SLC67A1: variants seen among roughly 807,000 people sequenced by gnomAD.
The protein encoded by SLC67A1 is solute carrier family 67 member 1.
the SLC67A1 span, among the ~76,000 whole-genome samples, chr11:2,911,031 C>T: frequency 6.6e-6 from 1 of 152,102 alleles, no homozygotes; most frequent in Non-Finnish European, 1.5e-5. Flanking sequence ...GAGCCAAGGG[C>T]CACTGGATTT....
chr11:2,924,911 G>A, the SLC67A1 span: 10 of 1,107,094 alleles, frequency 9.0e-6, no homozygotes, highest in Middle Eastern at 3.1e-4. This position sits in a 1 kb window ranked among gnomAD's most constrained non-coding sequence, Gnocchi z 8.6. Flanking sequence ...GTGAGGTCAG[G>A]GTGGGTCAGG....
At chr11:2,902,125 C>G in the SLC67A1 span, 1 of 152,200 alleles carries the variant, frequency 6.6e-6, no homozygotes, top group African/African-American at 2.4e-5. Context: ...AGGGGCGGGT[C>G]CTTCGAGGGG....
At chr11:2,920,843 C>T in the SLC67A1 span, 1 of 152,226 alleles carries the variant, frequency 6.6e-6, no homozygotes, top group African/African-American at 2.4e-5. Flanking sequence ...GTGTCTGAGT[C>T]CTGGATCTGA....
the SLC67A1 span, among the ~76,000 whole-genome samples, chr11:2,907,304 TCA>T: frequency 6.6e-6 from 1 of 152,124 alleles, no homozygotes; most frequent in Admixed American, 6.5e-5. This position sits in a 1 kb window ranked among gnomAD's most constrained non-coding sequence, Gnocchi z 6.7. Flanking sequence ...GCCTATTGTC[TCA>T]CAGTTTGGGA....
chr11:2,917,833 T>C, the SLC67A1 span, among the ~76,000 whole-genome samples: 1 of 152,188 alleles, frequency 6.6e-6, no homozygotes, highest in Non-Finnish European at 1.5e-5. Flanking sequence ...CATCACCAGC[T>C]CCCATTCCCA....
the SLC67A1 span, chr11:2,903,704 C>G: frequency 3.5e-5 from 21 of 601,664 alleles, no homozygotes; most frequent in Non-Finnish European, 5.9e-5. Flanking sequence ...TCAGTGCCAG[C>G]CCCGGGAGAA....
At chr11:2,903,260 T>C in the SLC67A1 span, 3 of 1,558,656 alleles carry the variant, frequency 1.9e-6, no homozygotes, top group Non-Finnish European at 2.6e-6. Flanking sequence ...TCAGCACCCC[T>C]GCCCGGATCA....
chr11:2,919,724 T>G, the SLC67A1 span: 1 of 394,512 alleles, frequency 2.5e-6, no homozygotes, highest in East Asian at 5.0e-5. Flanking sequence ...GAGGCCAAAG[T>G]GCCCGCCTTG....
chr11:2,901,118 C>T, the SLC67A1 span, among the ~76,000 whole-genome samples: 3 of 152,328 alleles, frequency 2.0e-5, no homozygotes, highest in East Asian at 5.8e-4. Context: ...GAAAATGGCA[C>T]TGAGAGACAG....
the SLC67A1 span, chr11:2,916,117 A>G: frequency 8.5e-5 from 13 of 152,952 alleles, no homozygotes; most frequent in African/African-American, 3.1e-4. Flanking sequence ...GGAGGGGCCA[A>G]CAGGAGGGGG....
the SLC67A1 span, chr11:2,899,765 CCT>C: frequency 7.0e-7 from 1 of 1,425,552 alleles, no homozygotes; most frequent in East Asian, 2.5e-5. Flanking sequence ...CAACCAGTTC[CCT>C]GGCTACCTGA....
At chr11:2,914,984 G>A in the SLC67A1 span, 24 of 985,420 alleles carry the variant, frequency 2.4e-5, 1 homozygote, top group South Asian at 5.2e-4. Flanking sequence ...GGGCCCATTC[G>A]TGCGGAACCC....
the SLC67A1 span, chr11:2,917,073 C>T: frequency 2.1e-5 from 6 of 291,266 alleles, no homozygotes; most frequent in Non-Finnish European, 3.4e-5. Flanking sequence ...AGGAGGGACC[C>T]CCCCAATGGG....
At chr11:2,920,350 A>G in the SLC67A1 span, 1 of 152,286 alleles carries the variant, frequency 6.6e-6, no homozygotes, top group African/African-American at 2.4e-5. Context: ...TAATAGTAAC[A>G]ATCCGGGGTT....
At chr11:2,905,905 C>T in the SLC67A1 span, among the ~76,000 whole-genome samples, 5 of 152,108 alleles carry the variant, frequency 3.3e-5, no homozygotes, top group African/African-American at 9.7e-5. Context: ...CAGTGGGTGC[C>T]CCCACAGAAG....
the SLC67A1 span, chr11:2,902,718 G>A: frequency 1.0e-6 from 1 of 985,616 alleles, no homozygotes; most frequent in Non-Finnish European, 1.2e-6. Flanking sequence ...CGCTGTGGGA[G>A]GTAAGGCAGA....
the SLC67A1 span, among the ~76,000 whole-genome samples, chr11:2,906,668 G>C: frequency 1.3e-5 from 2 of 148,376 alleles, no homozygotes; most frequent in Non-Finnish European, 3.0e-5. Flanking sequence ...TGAACAATGA[G>C]AACACCTGGA....
At chr11:2,922,526 C>A in the SLC67A1 span, 7 of 1,612,794 alleles carry the variant, frequency 4.3e-6, no homozygotes, top group Admixed American at 6.7e-5. Flanking sequence ...CGACAGCATG[C>A]TGATCAAGGC....
At chr11:2,917,894 A>C in the SLC67A1 span, 1 of 952,714 alleles carries the variant, frequency 1.0e-6, no homozygotes, top group East Asian at 2.6e-5. Flanking sequence ...TGGCGGGCGC[A>C]ACAGGGCCCT....
Sources: gnomAD v4.1 joint callset for allele counts (sites outside exome capture counted in the v4.1 genomes callset) on GRCh38, gnomAD v4.1.1 for gene constraint, Gnocchi (gnomAD v3.1) non-coding constraint, MANE v1.5 for transcripts, NCBI Gene and HGNC (gene_info 2026-07-23, HGNC 2026-07-21) for gene names.